GPATCH2: variants seen among roughly 807,000 people sequenced by gnomAD.
GPATCH2 encodes G patch domain-containing protein 2.
A neutral mutation model predicts 58.0 loss-of-function variants in GPATCH2; 51 were observed. The observed-to-expected ratio is 0.88, with a 90% CI of 0.70 to 1.11. The LOEUF (loss-of-function observed/expected upper bound fraction) is 1.11, where lower values mean the gene tolerates loss of function less well. Ranked by LOEUF, GPATCH2 falls within the 50% of genes most tolerant of loss-of-function variation. The pLI, the probability that GPATCH2 is intolerant of heterozygous loss-of-function variation, is 0.00. For missense variants in GPATCH2, 625 were observed against 652.2 expected (o/e 0.96, Z 0.45); for synonymous variants, 222 against 218.5 (o/e 1.02, Z -0.14).
At chr1:217,476,295 C>T (rs919436075) in intron 8 of GPATCH2, among the ~76,000 whole-genome samples, 4 of 148,506 alleles carry the variant, frequency 2.7e-5, no homozygotes, top group African/African-American at 1.0e-4. Flanking sequence ...AGCAAGAAAT[C>T]GATATGCACA....
At chr1:217,580,498 T>C (rs1408469340) in intron 5 of GPATCH2, among the ~76,000 whole-genome samples, 1 of 152,216 alleles carries the variant, frequency 6.6e-6, no homozygotes, top group Non-Finnish European at 1.5e-5. Context: ...TATATATGAT[T>C]ATGGTGAAAA....
chr1:217,468,960 GA>G, intron 8 of GPATCH2, among the ~76,000 whole-genome samples: 1 of 152,154 alleles, frequency 6.6e-6, no homozygotes, highest in East Asian at 1.9e-4. Flanking sequence ...CAATGTAAGT[GA>G]AAAAGCATCT....
chr1:217,616,901 T>C (rs1240468064), intron 2 of GPATCH2, among the ~76,000 whole-genome samples: 2 of 152,200 alleles, frequency 1.3e-5, no homozygotes, highest in African/African-American at 2.4e-5. Flanking sequence ...AAATAGTCAG[T>C]CAACCTCCCA....
intron 5 of GPATCH2, among the ~76,000 whole-genome samples, chr1:217,526,248 T>C (rs764933689): frequency 4.6e-5 from 7 of 152,222 alleles, no homozygotes; most frequent in Non-Finnish European, 1.0e-4. Context: ...ATATGGTTTA[T>C]ATTTAGCAAA....
At chr1:217,578,098 G>C (rs1329823754) in intron 5 of GPATCH2, among the ~76,000 whole-genome samples, 1 of 128,288 alleles carries the variant, frequency 7.8e-6, no homozygotes, top group East Asian at 2.9e-4. Context: ...GGCGGGGGGC[G>C]GGGATCACAA....
At chr1:217,552,592 C>T (rs778118215) in intron 5 of GPATCH2, among the ~76,000 whole-genome samples, 35 of 152,018 alleles carry the variant, frequency 2.3e-4, no homozygotes, top group Non-Finnish European at 1.9e-4. Context: ...TGGTCAGGCC[C>T]CAAAGGGGTT....
intron 5 of GPATCH2, among the ~76,000 whole-genome samples, chr1:217,536,727 C>A (rs1664489683): frequency 6.6e-6 from 1 of 152,142 alleles, no homozygotes. Flanking sequence ...GTAATCCCAA[C>A]ACTTTTTGGG....
intron 9 of GPATCH2, among the ~76,000 whole-genome samples, chr1:217,447,971 G>A (rs1432039157): frequency 2.0e-5 from 3 of 151,836 alleles, no homozygotes; most frequent in South Asian, 2.1e-4. Flanking sequence ...GGTGGTGGGC[G>A]CCCATAATCC....
At chr1:217,526,816 T>C (rs1342477991) in intron 5 of GPATCH2, among the ~76,000 whole-genome samples, 3 of 152,216 alleles carry the variant, frequency 2.0e-5, no homozygotes, top group African/African-American at 4.8e-5. Context: ...TGCTCCTCAC[T>C]GCTCATATTA....
At chr1:217,511,841 T>TGTGTGTGTGAG (rs1558446027) in intron 6 of GPATCH2, among the ~76,000 whole-genome samples, 41 of 131,700 alleles carry the variant, frequency 3.1e-4, no homozygotes, top group African/African-American at 9.2e-4. Context: ...GTGTGTGTGT[T>TGTGTGTGTGAG]TGTGTCTATA....
intron 8 of GPATCH2, among the ~76,000 whole-genome samples, chr1:217,470,054 T>C (rs1660648405): frequency 6.6e-6 from 1 of 152,184 alleles, no homozygotes; most frequent in Non-Finnish European, 1.5e-5. Flanking sequence ...CAAGCTGTTG[T>C]GATATGGGCC....
chr1:217,618,580 G>A (rs1669014566), intron 2 of GPATCH2, among the ~76,000 whole-genome samples: 1 of 151,624 alleles, frequency 6.6e-6, no homozygotes, highest in Non-Finnish European at 1.5e-5. Context: ...TCTAATAAAA[G>A]GATAATTCCA....
At chr1:217,604,186 A>G (rs1434015495) in intron 5 of GPATCH2, among the ~76,000 whole-genome samples, 2 of 151,888 alleles carry the variant, frequency 1.3e-5, no homozygotes, top group Non-Finnish European at 2.9e-5. Flanking sequence ...CTCCATCTCT[A>G]TTAAAAATAC....
At chr1:217,503,870 T>C (rs971942249) in intron 6 of GPATCH2, among the ~76,000 whole-genome samples, 1 of 152,266 alleles carries the variant, frequency 6.6e-6, no homozygotes, top group East Asian at 1.9e-4. Context: ...CCAACATGCA[T>C]TGAGCCCTTA....
chr1:217,523,588 C>G (rs1226968169), intron 5 of GPATCH2, among the ~76,000 whole-genome samples: 1 of 151,794 alleles, frequency 6.6e-6, no homozygotes, highest in African/African-American at 2.4e-5. Context: ...TACACAGACA[C>G]GACAACCATC....
chr1:217,608,953 T>G, intron 5 of GPATCH2: 2 of 984,512 alleles, frequency 2.0e-6, no homozygotes, highest in Non-Finnish European at 2.4e-6. Flanking sequence ...GCTGAAATCT[T>G]TCAGACTTTA....
chr1:217,494,909 G>A (rs1256335386), intron 7 of GPATCH2: 3 of 155,032 alleles, frequency 1.9e-5, no homozygotes, highest in African/African-American at 4.9e-5. Context: ...TGTTCCCTTG[G>A]ACTCCTATCA....
chr1:217,482,659 T>G (rs896899790), intron 8 of GPATCH2, among the ~76,000 whole-genome samples: 1 of 152,030 alleles, frequency 6.6e-6, no homozygotes, highest in Non-Finnish European at 1.5e-5. Context: ...AAGACTTCAG[T>G]TTTTACTTGG....
intron 8 of GPATCH2, among the ~76,000 whole-genome samples, chr1:217,475,331 T>C (rs534354975): frequency 6.6e-6 from 1 of 152,012 alleles, no homozygotes; most frequent in South Asian, 2.1e-4. Flanking sequence ...CCCAGTTACT[T>C]GGGAGGCTGA....
Sources: gnomAD v4.1 joint callset for allele counts (sites outside exome capture counted in the v4.1 genomes callset) on GRCh38, gnomAD v4.1.1 for gene constraint, MANE v1.5 for transcripts, NCBI Gene and HGNC (gene_info 2026-07-23, HGNC 2026-07-21) for gene names.